Variants in FRMPD4 observed in about 807,000 individuals in gnomAD.
FRMPD4 encodes FERM and PDZ domain-containing protein 4.
A neutral mutation model predicts 94.1 loss-of-function variants in FRMPD4; 22 were observed. The ratio of observed to expected loss-of-function variants is 0.23; its 90% CI spans 0.17 to 0.33. The LOEUF (loss-of-function observed/expected upper bound fraction) is 0.33. Ranked by LOEUF, FRMPD4 falls within the 10% of genes least tolerant of loss-of-function variation. The pLI, the probability that FRMPD4 is intolerant of heterozygous loss-of-function variation, is 1.00. For synonymous variants in FRMPD4, 631 were observed against 548.6 expected (o/e 1.15, Z -2.10); for missense variants, 1,111 against 1,339.9 (o/e 0.83, Z 2.67).
intron 3 of FRMPD4, among the ~76,000 whole-genome samples, chrX:11,953,595 G>A (rs766299986): frequency 9.0e-6 from 1 of 111,602 alleles, no homozygotes; most frequent in African/African-American, 3.3e-5. Flanking sequence ...GCAATAGGAC[G>A]AATGGTCCCA....
intron 1 of FRMPD4, among the ~76,000 whole-genome samples, chrX:12,160,532 CT>C (rs2056008492): frequency 1.8e-5 from 2 of 111,525 alleles, no homozygotes; most frequent in South Asian, 7.6e-4. Context: ...AGGGGAGTTC[CT>C]TTGTATTTTC....
intron 1 of FRMPD4, among the ~76,000 whole-genome samples, chrX:12,239,555 G>A: frequency 8.9e-6 from 1 of 112,345 alleles, no homozygotes. Context: ...GAGAGGGGAA[G>A]ATTTTCTTCT....
At chrX:12,523,534 G>A (rs2058186824) in intron 2 of FRMPD4, among the ~76,000 whole-genome samples, 2 of 111,956 alleles carry the variant, frequency 1.8e-5, no homozygotes, top group African/African-American at 6.5e-5. Flanking sequence ...GTGGTTAGGG[G>A]TGTGAAGTCT....
chrX:11,952,362 G>A (rs1334289064), intron 3 of FRMPD4, among the ~76,000 whole-genome samples: 5 of 112,292 alleles, frequency 4.5e-5, no homozygotes, highest in African/African-American at 1.3e-4. Flanking sequence ...GGAGAGCAGA[G>A]TAGGAGCGTT....
chrX:12,067,138 G>A (rs1352612801), intron 3 of FRMPD4, among the ~76,000 whole-genome samples: 1 of 109,411 alleles, frequency 9.1e-6, no homozygotes, highest in Non-Finnish European at 1.9e-5. Context: ...CCAAAGTGCT[G>A]GGATTACAGG....
intron 3 of FRMPD4, among the ~76,000 whole-genome samples, chrX:12,131,246 T>G (rs1361490501): frequency 4.4e-5 from 5 of 112,437 alleles, no homozygotes; most frequent in Non-Finnish European, 7.5e-5. Flanking sequence ...AATCATTGTG[T>G]ATTTTATAGA....
At chrX:12,542,727 G>GA (rs770347110) in intron 2 of FRMPD4, among the ~76,000 whole-genome samples, 2 of 111,417 alleles carry the variant, frequency 1.8e-5, no homozygotes, top group African/African-American at 6.5e-5. Flanking sequence ...CACAGAATTG[G>GA]AAAAAAACTA....
intron 1 of FRMPD4, among the ~76,000 whole-genome samples, chrX:12,163,375 T>G (rs1278341298): frequency 3.9e-5 from 4 of 102,848 alleles, no homozygotes; most frequent in Non-Finnish European, 7.8e-5. Flanking sequence ...TTGTTTTTAT[T>G]TTTTTGCTTA....
chrX:12,443,915 A>G, intron 1 of FRMPD4, among the ~76,000 whole-genome samples: 1 of 111,899 alleles, frequency 8.9e-6, no homozygotes, highest in African/African-American at 3.2e-5. Context: ...CAACTTGCAT[A>G]TCATTTGCGT....
chrX:12,497,764 A>G (rs916139937), intron 1 of FRMPD4, among the ~76,000 whole-genome samples: 1 of 111,370 alleles, frequency 9.0e-6, no homozygotes, highest in African/African-American at 3.3e-5. Flanking sequence ...CATGCAGGAA[A>G]TGGGCTTGTT....
chrX:12,284,258 G>A (rs1306763926), intron 1 of FRMPD4, among the ~76,000 whole-genome samples: 1 of 111,556 alleles, frequency 9.0e-6, no homozygotes, highest in Non-Finnish European at 1.9e-5. Flanking sequence ...TGGAATGTTT[G>A]TTTCGTAAAA....
At chrX:12,524,077 C>T (rs1317581595) in intron 2 of FRMPD4, among the ~76,000 whole-genome samples, 3 of 111,873 alleles carry the variant, frequency 2.7e-5, no homozygotes, top group African/African-American at 9.8e-5. Flanking sequence ...ATTACTTGAG[C>T]CCCAGAGTTG....
chrX:12,097,396 A>G (rs767618539), intron 3 of FRMPD4, among the ~76,000 whole-genome samples: 6 of 112,517 alleles, frequency 5.3e-5, no homozygotes, highest in East Asian at 2.8e-4. Flanking sequence ...AATATTTTCA[A>G]TAGCTTTAAT....
intron 1 of FRMPD4, among the ~76,000 whole-genome samples, chrX:12,482,564 A>G (rs894189796): frequency 1.8e-5 from 2 of 112,098 alleles, no homozygotes; most frequent in Non-Finnish European, 3.8e-5. Flanking sequence ...GTTGTAAAGA[A>G]ATCTGTGGGA....
chrX:12,710,354 T>TA (rs1489852244), intron 13 of FRMPD4, 45 bp from the exon 14 acceptor site: 1 of 1,101,411 alleles, frequency 9.1e-7, no homozygotes, highest in Non-Finnish European at 1.2e-6. Flanking sequence ...CCAGGGATGT[T>TA]ATTAAGAATG....
At chrX:12,446,027 A>G (rs1031847180) in intron 1 of FRMPD4, among the ~76,000 whole-genome samples, 1 of 112,230 alleles carries the variant, frequency 8.9e-6, no homozygotes, top group African/African-American at 3.2e-5. Flanking sequence ...TCTTACTGCT[A>G]ATGTGACTTG....
chrX:11,889,735 T>C (rs1175564079), intron 3 of FRMPD4, among the ~76,000 whole-genome samples: 2 of 112,060 alleles, frequency 1.8e-5, no homozygotes, highest in Non-Finnish European at 3.8e-5. Flanking sequence ...TGTAGCTACG[T>C]AAAGCTGGGA....
At chrX:12,312,031 CTCTA>C (rs1343883938) in intron 1 of FRMPD4, among the ~76,000 whole-genome samples, 2 of 109,958 alleles carry the variant, frequency 1.8e-5, no homozygotes, top group Non-Finnish European at 3.8e-5. Flanking sequence ...TCACTGGAGT[CTCTA>C]TATCTTTTAC....
At chrX:12,568,648 A>T (rs1333208890) in intron 2 of FRMPD4, among the ~76,000 whole-genome samples, 3 of 112,239 alleles carry the variant, frequency 2.7e-5, no homozygotes, top group Non-Finnish European at 5.6e-5. Context: ...GGTTTGGGGT[A>T]CTGGGACAAG....
Sources: allele counts gnomAD v4.1 joint callset (sites outside exome capture counted in the v4.1 genomes callset), GRCh38; gene constraint gnomAD v4.1.1; transcripts MANE v1.5; gene names NCBI Gene and HGNC (gene_info 2026-07-23, HGNC 2026-07-21).